Variants in ACAT2 observed in about 807,000 individuals in gnomAD.
The protein encoded by ACAT2 is acetyl-CoA acetyltransferase 2, also known as acetyl-CoA acetyltransferase, cytosolic.
A neutral mutation model predicts 37.1 loss-of-function variants in ACAT2; 26 were observed. The observed-to-expected ratio is 0.70, with a 90% CI of 0.51 to 0.97. ACAT2 has a LOEUF of 0.97. Among genes scored for constraint, ACAT2 ranks in the 50% least tolerant of loss-of-function variants. The pLI is 0.00. For missense variants in ACAT2, 468 were observed against 489.0 expected, an observed-to-expected ratio of 0.96 and a Z score of 0.40; for synonymous variants, 156 against 163.6, an observed-to-expected ratio of 0.95 and a Z score of 0.35.
In ACAT2 at chr6:159,776,222, C is replaced by T; in HGVS notation, c.707C>T (p.Pro236Leu). 1 of 1,614,116 alleles carries T rather than the reference C, an allele frequency of 6.2e-7. No individual in the cohort carries two copies. The highest frequency in any genetic ancestry group is 8.5e-7 in the Non-Finnish European group (1 of 1,180,014). The change falls in exon 6 of 9, where the codon CCT (proline) becomes CTT (leucine). Residue 236 changes from proline to leucine, a missense_variant. Physicochemically the swap from Pro to Leu is moderately conservative, Grantham distance 98. Coordinates refer to ENST00000367048, the MANE Select transcript of ACAT2 (RefSeq NM_005891.3). ...SNIEAMSKLK[P>L]YFLTDGTGTV... ...ATAGAAGCCATGTCCAAGCTAAAGC[C>T]TTACTTTCTTACTGATGGAACGGGA...
At chr6:159,766,420 A>G (rs1780256972) in intron 2 of ACAT2, among the ~76,000 whole-genome samples, 1 of 148,346 alleles carries the variant, frequency 6.7e-6, no homozygotes, top group South Asian at 2.1e-4. Context: ...TTTTTTTTTG[A>G]GACGGAGTTT....
In ACAT2 at chr6:159,778,811, G is replaced by T. The variant is rs759866577; in HGVS notation, c.1176G>T (p.Met392Ile). Residue 392 changes from methionine to isoleucine, a missense_variant, in exon 9 of 9, where the codon ATG becomes ATT. By Grantham distance (10) the Met-to-Ile change is conservative. Coordinates refer to ENST00000367048, the MANE Select transcript of ACAT2 (RefSeq NM_005891.3). ...TTGGGGGTGGGATGGGAATAGCAAT[G>T]TGTGTTCAGAGAGAATGAATTGCTT... is the stretch of plus-strand genomic sequence containing the variant. ...LCIGGGMGIA[M>I]CVQRE is the part of the protein sequence containing the mutation. 6.2e-7 allele frequency: 1 copy of T among 1,614,180 alleles called. No homozygotes were observed.
intron 2 of ACAT2, among the ~76,000 whole-genome samples, chr6:159,766,402 CGCACT>C (rs1562476279): frequency 1.3e-5 from 2 of 151,404 alleles, no homozygotes; most frequent in African/African-American, 4.9e-5. Flanking sequence ...AGCACCCCCC[CGCACT>C]TTTTTTTTTT....
chr6:159,777,180 T>C (rs41258114), intron 6 of ACAT2, 122 bp from the exon 7 acceptor site: 40,842 of 1,110,962 alleles, frequency 0.037, 913 homozygotes, highest in Middle Eastern at 0.047. Flanking sequence ...TGTTGAATTA[T>C]AGTAAATGCC....
chr6:159,777,604 G>T (rs1311815160), intron 7 of ACAT2, 148 bp downstream of exon 7: 1 of 1,021,234 alleles, frequency 9.8e-7, no homozygotes, highest in East Asian at 2.7e-5. Flanking sequence ...TTGCTCTGTT[G>T]TCCAGGCTGG....
chr6:159,777,482 T>C, intron 7 of ACAT2, 26 bp downstream of exon 7: 1 of 1,597,098 alleles, frequency 6.3e-7, no homozygotes, highest in Non-Finnish European at 8.5e-7. Context: ...TTCCCTTTTA[T>C]GAAATTTGTC....
chr6:159,763,518 CAG>C (rs1780194283), intron 2 of ACAT2, among the ~76,000 whole-genome samples: 2 of 151,654 alleles, frequency 1.3e-5, no homozygotes, highest in Admixed American at 1.3e-4. Flanking sequence ...TCATGGGTGA[CAG>C]AGTGAGACCC....
At chr6:159,777,256 T>G in intron 6 of ACAT2, 46 bp from the exon 7 acceptor site, 6 of 1,583,146 alleles carry the variant, frequency 3.8e-6, no homozygotes, top group East Asian at 2.2e-5. Flanking sequence ...GATATGTAAC[T>G]GAGGTTAATA....
chr6:159,763,629 C>CTTTTTTTTTTTT lies in ACAT2; in HGVS notation c.190+593_190+604dup, dbSNP rs765044833. Among the ~76,000 whole-genome samples, 16 of 76,406 alleles carry CTTTTTTTTTTTT rather than the reference C, an allele frequency of 2.1e-4. 2 individuals are homozygous for CTTTTTTTTTTTT. The highest frequency in any genetic ancestry group is 2.8e-4 in the African/African-American group (5 of 17,888). 50.1% of individuals were successfully genotyped at this position (76,406 alleles called of 152,430 possible). The stretch of plus-strand genomic sequence containing the variant: ...ACCACCTACACTGCCTTTTCTTTTC[C>CTTTTTTTTTTTT]TTTTTTTTTTTTTTTTTTTTTTTTT... On this transcript the variant is annotated intron_variant, in intron 2 of 8. Transcript: ENST00000367048.
At chr6:159,762,207 G>T in intron 1 of ACAT2, 65 bp downstream of exon 1, 1 of 1,549,408 alleles carries the variant, frequency 6.5e-7, no homozygotes, top group South Asian at 1.2e-5. Context: ...AGCGCCGAGG[G>T]CCGGACTTGT....
At chr6:159,770,726 T>C (rs765953263) in intron 4 of ACAT2, among the ~76,000 whole-genome samples, 1 of 152,100 alleles carries the variant, frequency 6.6e-6, no homozygotes, top group Non-Finnish European at 1.5e-5. Context: ...AGTTTGAAGA[T>C]AGATCATATA....
chr6:159,775,905 A>G lies in ACAT2; in HGVS notation c.635-245A>G, dbSNP rs1780405206. On this transcript the variant is annotated intron_variant, in intron 5 of 8. Transcript: ENST00000367048. ...TGGCACAAACAGGTCCCTGGTAGCT[A>G]CTTTCCTCAGGAAGGCCTATGGATT... The G allele has an allele frequency of 2.3e-5, 9 of 394,114 alleles. 1 individual carries two copies. Among genetic ancestry groups the G allele is most frequent in the South Asian group, 2.1e-4 (7 of 34,018 alleles). The allele number at this position is 394,114 out of a possible 1,614,324, so 24.4% of individuals were successfully genotyped here.
In ACAT2 at chr6:159,763,031, C is replaced by G; in HGVS notation, c.168C>G (p.Ile56Met). ...TVAPEDVSEVIFGHVLAAGCG... is the reference protein window; with the variant it reads ...TVAPEDVSEVMFGHVLAAGCG... Reference sequence around the variant, plus strand: ...CTCCGGAAGATGTGTCTGAGGTCATCTTTGGACATGTCTTGGCAGCAGGTA... The same window carrying G: ...CTCCGGAAGATGTGTCTGAGGTCATGTTTGGACATGTCTTGGCAGCAGGTA... Residue 56 changes from isoleucine (I) to methionine (M), a missense_variant, in exon 2 of 9, where the codon ATC becomes ATG. By Grantham distance (10) the Ile-to-Met change is conservative. Transcript: ENST00000367048. The G allele has an allele frequency of 6.2e-7, 1 of 1,613,004 alleles. No homozygotes were observed. The highest frequency in any genetic ancestry group is 1.1e-5 in the South Asian group (1 of 90,952).
chr6:159,771,294 C>T (rs1466621105), intron 4 of ACAT2, among the ~76,000 whole-genome samples: 3 of 151,840 alleles, frequency 2.0e-5, no homozygotes, highest in South Asian at 2.1e-4. Flanking sequence ...GCAGGAGAAT[C>T]GCTTGAACCT....
chr6:159,774,173 G>A (rs9355749), intron 4 of ACAT2, among the ~76,000 whole-genome samples: 5 of 152,038 alleles, frequency 3.3e-5, no homozygotes, highest in African/African-American at 1.2e-4. Flanking sequence ...CCTTTTGGCA[G>A]AATCTTAATC....
intron 5 of ACAT2, 22 bp downstream of exon 5, chr6:159,775,335 A>G: frequency 6.2e-7 from 1 of 1,609,680 alleles, no homozygotes; most frequent in Middle Eastern, 1.7e-4. Flanking sequence ...ATAGTGGTTT[A>G]AACATCAACC....
chr6:159,778,365 G>C (rs1780473739), intron 8 of ACAT2, 85 bp downstream of exon 8: 1 of 822,856 alleles, frequency 1.2e-6, no homozygotes, highest in African/African-American at 1.9e-5. Flanking sequence ...TGTTGGCCAT[G>C]TGGGTAATAG....
chr6:159,762,883 C>G, intron 1 of ACAT2, 36 bp from the exon 2 acceptor site: 1 of 1,603,662 alleles, frequency 6.2e-7, no homozygotes, highest in Non-Finnish European at 8.5e-7. Flanking sequence ...TACCCGCAGG[C>G]TTGTGATGTC....
At chr6:159,768,703 T>C in intron 4 of ACAT2, 75 bp downstream of exon 4, 1 of 1,024,096 alleles carries the variant, frequency 9.8e-7, no homozygotes, top group South Asian at 1.4e-5. Context: ...GCTTCTTAGG[T>C]GCTTTCGTCC....
Sources: gnomAD v4.1 joint callset for allele counts (sites outside exome capture counted in the v4.1 genomes callset) on GRCh38, gnomAD v4.1.1 for gene constraint, MANE v1.5 for transcripts, NCBI Gene and HGNC (gene_info 2026-07-23, HGNC 2026-07-21) for gene names.